The following DERA variants were observed in gnomAD, a reference collection of about 807,000 sequenced individuals.
The protein encoded by DERA is deoxyribose-phosphate aldolase, also known as 2-deoxy-D-ribose 5-phosphate aldolase.
A neutral mutation model predicts 41.1 loss-of-function variants in DERA; 15 were observed. The observed-to-expected ratio is 0.37, with a 90% CI of 0.24 to 0.56. DERA has a LOEUF of 0.56. DERA is among the 20% of genes least tolerant of loss of function. DERA has a pLI of 0.81. For synonymous variants in DERA, 139 were observed against 137.4 expected (o/e 1.01, Z -0.08); for missense variants, 396 against 403.4 (o/e 0.98, Z 0.16).
At chr12:15,974,011 T>A (rs1030390245) in intron 5 of DERA, among the ~76,000 whole-genome samples, 1 of 152,214 alleles carries the variant, frequency 6.6e-6, no homozygotes, top group Non-Finnish European at 1.5e-5. Flanking sequence ...TCTCCAATTA[T>A]AAAGTGCTAT....
chr12:15,978,458 G>T (rs1948713109), intron 5 of DERA, among the ~76,000 whole-genome samples: 1 of 152,130 alleles, frequency 6.6e-6, no homozygotes, highest in Admixed American at 6.5e-5. Context: ...TAAATGCCTG[G>T]TTCTATTCTA....
At position 15,957,597 on chromosome 12, in the gene DERA, A is replaced by G. The variant is rs1335470633; in HGVS notation, c.129+564A>G. Reference sequence around the variant, plus strand: ...GAATTCAGAGTTCATTTCACAAGTGAGACAGAATACTGTGATTGAATCCTT... The same window carrying G: ...GAATTCAGAGTTCATTTCACAAGTGGGACAGAATACTGTGATTGAATCCTT... On this transcript the variant is annotated intron_variant, in intron 2 of 8. Transcript: ENST00000428559. The surrounding 1 kb of genome is among the most constrained non-coding windows in gnomAD (Gnocchi z 4.8). 6.6e-6 allele frequency among the ~76,000 whole-genome samples: 1 copy of G among 152,210 alleles called. No individual in the cohort carries two copies. The highest frequency in any genetic ancestry group is 1.9e-4 in the East Asian group (1 of 5,194).
chr12:15,956,542 C>T, intron 1 of DERA: 1 of 353,788 alleles, frequency 2.8e-6, no homozygotes, highest in Middle Eastern at 1.0e-3. Context: ...ATTTGTTAAT[C>T]ATTTGCTCTC....
chr12:15,973,231 C>T (rs1372626958), intron 5 of DERA, among the ~76,000 whole-genome samples: 6 of 152,150 alleles, frequency 3.9e-5, no homozygotes, highest in Non-Finnish European at 8.8e-5. Context: ...TGTAATATAT[C>T]CTGGGCTTCT....
In DERA at chr12:16,009,087, G is replaced by T. The variant is rs1176660663; in HGVS notation, c.638-23455G>T. 1.3e-5 allele frequency among the ~76,000 whole-genome samples: 2 copies of T among 152,170 alleles called. No individual in the cohort carries two copies. The highest frequency in any genetic ancestry group is 3.9e-4 in the East Asian group (2 of 5,192). Reference sequence around the variant, plus strand: ...GGTAACAGGAGTATCTGCTTTTTAAGGTATTGTGAAGATCAAATTAGGGAA... The same window carrying T: ...GGTAACAGGAGTATCTGCTTTTTAATGTATTGTGAAGATCAAATTAGGGAA... On this transcript the variant is annotated intron_variant, in intron 6 of 8. Coordinates refer to ENST00000428559, the MANE Select transcript of DERA (RefSeq NM_015954.4). This position sits in a 1 kb window ranked among gnomAD's most constrained non-coding sequence, Gnocchi z 5.3.
rs533779237 is a variant in DERA, at chr12:15,990,245, G to C, written c.637+7809G>C. ...ATGACATTGAGCTGGATTTCTTTCT[G>C]TACTGATTCCAAAGCTTACTATATT... On this transcript the variant is annotated intron_variant, in intron 6 of 8. Transcript: ENST00000428559. This position sits in a 1 kb window ranked among gnomAD's most constrained non-coding sequence, Gnocchi z 4.3. Among the ~76,000 whole-genome samples the C allele has an allele frequency of 6.6e-5, 10 of 152,032 alleles. No individual in the cohort carries two copies. The highest frequency in any genetic ancestry group is 2.4e-4 in the African/African-American group (10 of 41,398).
chr12:15,951,137 A>C (rs557651216), intron 1 of DERA, among the ~76,000 whole-genome samples: 1 of 152,358 alleles, frequency 6.6e-6, no homozygotes, highest in African/African-American at 2.4e-5. Flanking sequence ...GCCCAGGGAC[A>C]GTCTGTGCCC....
chr12:15,981,783 A>G lies in DERA; in HGVS notation c.509-525A>G, dbSNP rs946408787. On this transcript the variant is annotated intron_variant, in intron 5 of 8. Coordinates refer to ENST00000428559, the MANE Select transcript of DERA (RefSeq NM_015954.4). The surrounding 1 kb of genome is among the most constrained non-coding windows in gnomAD (Gnocchi z 6.1). ...TGGCCAGGCCTAACACTTTTTAGTC[A>G]GATATATAAACATACTCTGGCAGGC... is the stretch of plus-strand genomic sequence containing the variant. Among the ~76,000 whole-genome samples, 2 of 152,212 alleles carry G rather than the reference A, an allele frequency of 1.3e-5. No individual in the cohort carries two copies. The highest frequency in any genetic ancestry group is 2.4e-5 in the African/African-American group (1 of 41,458).
chr12:15,921,306 T>C lies in DERA; in HGVS notation c.31+9892T>C, dbSNP rs548821159. Reference sequence around the variant, plus strand: ...GTGGTTAGTGGAAGGATATAATCAGTGTTCTTGATGATTTTGGAAATTGAC... The same window carrying C: ...GTGGTTAGTGGAAGGATATAATCAGCGTTCTTGATGATTTTGGAAATTGAC... On this transcript the variant is annotated intron_variant, in intron 1 of 8. Transcript: ENST00000428559. This position sits in a 1 kb window ranked among gnomAD's most constrained non-coding sequence, Gnocchi z 5.3. 1.9e-4 allele frequency among the ~76,000 whole-genome samples: 29 copies of C among 152,200 alleles called. 1 individual carries two copies. The South Asian group carries it at 6.0e-3, about 32-fold the overall frequency.
intron 4 of DERA, among the ~76,000 whole-genome samples, chr12:15,961,741 T>G (rs1948589482): frequency 6.6e-6 from 1 of 152,152 alleles, no homozygotes; most frequent in Non-Finnish European, 1.5e-5. Context: ...ACCTAAGGAA[T>G]TTTTTTAATT....
rs559032352 is a variant in DERA at position 15,945,369 on chromosome 12, A to G, written c.32-11567A>G. Among the ~76,000 whole-genome samples, 241 of 152,292 alleles carry G rather than the reference A, an allele frequency of 1.6e-3. 1 individual carries two copies. Among genetic ancestry groups the G allele is most frequent in the South Asian group, 3.1e-3 (15 of 4,830 alleles). ...GATTCTTCCTATCCATGAGCATGGA[A>G]TGTTCTTCCATTTGTTTGTGTCCTC... On this transcript the variant is annotated intron_variant, in intron 1 of 8. Transcript: ENST00000428559.
At chr12:16,025,464 A>G (rs950023622) in intron 6 of DERA, among the ~76,000 whole-genome samples, 4 of 152,134 alleles carry the variant, frequency 2.6e-5, no homozygotes, top group African/African-American at 9.6e-5. Context: ...AAAAAAGGAT[A>G]TTTTATAATG....
chr12:15,955,957 G>A (rs898763911), intron 1 of DERA, among the ~76,000 whole-genome samples: 1 of 152,222 alleles, frequency 6.6e-6, no homozygotes, highest in Non-Finnish European at 1.5e-5. Flanking sequence ...AGTGAGGTTA[G>A]TTATAGAAGG....
rs1039809544 is a variant in DERA, at chr12:15,936,781, C to T, written c.32-20155C>T. 1.3e-5 allele frequency among the ~76,000 whole-genome samples: 2 copies of T among 150,808 alleles called. No homozygotes were observed. Among genetic ancestry groups the T allele is most frequent in the African/African-American group, 4.9e-5 (2 of 40,882 alleles). ...GGGTTATGTTTTGTGTAGATTGTCTCACCACCCGGATTTGTCTGATTATTT... is the reference window on the plus strand; with the variant it reads ...GGGTTATGTTTTGTGTAGATTGTCTTACCACCCGGATTTGTCTGATTATTT... On this transcript the variant is annotated intron_variant, in intron 1 of 8. Coordinates refer to ENST00000428559, the MANE Select transcript of DERA (RefSeq NM_015954.4). The surrounding 1 kb of genome is among the most constrained non-coding windows in gnomAD (Gnocchi z 4.6).
Position 15,957,090 on chromosome 12 carries a change from C to T in DERA, c.129+57C>T, listed in dbSNP as rs1270008643. On this transcript the variant is annotated intron_variant, in intron 2 of 8. Transcript: ENST00000428559. This position sits in a 1 kb window ranked among gnomAD's most constrained non-coding sequence, Gnocchi z 4.8. ...TATTTTACAATGCATGGTCTCTTCC[C>T]TCAAGGCCACAATATTGAATTTCAC... is the stretch of plus-strand genomic sequence containing the variant. The T allele has an allele frequency of 7.7e-7, 1 of 1,291,810 alleles. No individual in the cohort carries two copies. The highest frequency in any genetic ancestry group is 1.1e-6 in the Non-Finnish European group (1 of 892,986). 80.0% of individuals were successfully genotyped at this position (1,291,810 alleles called of 1,614,324 possible).
chr12:15,941,664 T>C lies in DERA; in HGVS notation c.32-15272T>C, dbSNP rs182931023. Among the ~76,000 whole-genome samples the C allele has an allele frequency of 2.6e-3, 400 of 152,324 alleles. 2 individuals are homozygous for C. The highest frequency in any genetic ancestry group is 3.8e-3 in the Non-Finnish European group (257 of 68,036). On this transcript the variant is annotated intron_variant, in intron 1 of 8. Transcript: ENST00000428559. The surrounding 1 kb of genome is among the most constrained non-coding windows in gnomAD (Gnocchi z 4.5). The stretch of plus-strand genomic sequence containing the variant: ...TCCTGAGTTACTTCACTTAGAACTG[T>C]GGCCTCCAGCTCCACCCAAGTTGCT...
At position 15,960,661 on chromosome 12, in the gene DERA, A is replaced by C. The variant is rs867676694; in HGVS notation, c.373+737A>C. ...CAAAAAAAAAAAAAAAAAAAAAAAA[A>C]AACAACGATATGTGCAAAATGTGTA... On this transcript the variant is annotated intron_variant, in intron 4 of 8. Coordinates refer to ENST00000428559, the MANE Select transcript of DERA (RefSeq NM_015954.4). 1.0e-3 allele frequency among the ~76,000 whole-genome samples: 156 copies of C among 150,874 alleles called. 2 individuals are homozygous for C. The highest frequency in any genetic ancestry group is 3.4e-3 in the Middle Eastern group (1 of 290).
chr12:15,978,316 C>G (rs574947266), intron 5 of DERA, among the ~76,000 whole-genome samples: 2 of 152,120 alleles, frequency 1.3e-5, no homozygotes, highest in Non-Finnish European at 2.9e-5. Context: ...GTAAGACTGG[C>G]AAATTCTAGT....
At chr12:15,979,633 A>G (rs1948720295) in intron 5 of DERA, among the ~76,000 whole-genome samples, 1 of 152,206 alleles carries the variant, frequency 6.6e-6, no homozygotes, top group Non-Finnish European at 1.5e-5. Flanking sequence ...GAAAAACTTG[A>G]TCCTGTTATG....
Sources: gnomAD v4.1 joint callset for allele counts (sites outside exome capture counted in the v4.1 genomes callset) on GRCh38, gnomAD v4.1.1 for gene constraint, Gnocchi (gnomAD v3.1) non-coding constraint, MANE v1.5 for transcripts, NCBI Gene and HGNC (gene_info 2026-07-23, HGNC 2026-07-21) for gene names.